The following NOS1AP variants were observed in gnomAD, a reference collection of about 807,000 sequenced individuals.
The protein encoded by NOS1AP is carboxyl-terminal PDZ ligand of neuronal nitric oxide synthase protein.
In NOS1AP, 21 loss-of-function variants were observed where a neutral mutation model predicts 56.2. The observed-to-expected ratio is 0.37, with a 90% CI of 0.26 to 0.54. The LOEUF is 0.54. NOS1AP is among the 20% of genes least tolerant of loss of function. The pLI, the probability that NOS1AP is intolerant of heterozygous loss-of-function variation, is 0.84. For synonymous variants in NOS1AP, 270 were observed against 274.6 expected, an observed-to-expected ratio of 0.98 and a Z score of 0.17; for missense variants, 522 against 657.8, an observed-to-expected ratio of 0.79 and a Z score of 2.26.
Position 162,076,265 on chromosome 1 carries a change from G to A in NOS1AP, c.105+5983G>A, listed in dbSNP as rs1014376933. 3.7e-4 allele frequency among the ~76,000 whole-genome samples: 57 copies of A among 152,084 alleles called. 1 individual carries two copies. The highest frequency in any genetic ancestry group is 3.3e-4 in the Admixed American group (5 of 15,268). On this transcript the variant is annotated intron_variant, in intron 1 of 9. Coordinates refer to ENST00000361897, the MANE Select transcript of NOS1AP (RefSeq NM_014697.3). ...GCAGCCTGGGACCATGCCCATGGCC[G>A]TTCCTTCCTGCCTTTTTGCCCTACC...
Position 162,365,081 on chromosome 1 carries a change from CGTGT to C in NOS1AP, c.940-316_940-313del, listed in dbSNP as rs112157315. On this transcript the variant is annotated intron_variant, in intron 8 of 9. Transcript: ENST00000361897. ...GTGCGTGTGTGTGTGTATATGTGCA[CGTGT>C]GTGTGTACGTGTGTGTGTGTGGCAG... 28 of 1,317,498 alleles carry C rather than the reference CGTGT, an allele frequency of 2.1e-5. 1 individual carries two copies. Among genetic ancestry groups the C allele is most frequent in the South Asian group, 1.9e-4 (12 of 61,824 alleles). 81.6% of individuals were successfully genotyped at this position (1,317,498 alleles called of 1,614,324 possible). A position where few individuals can be genotyped will look rare whatever the true frequency, so the allele number is the denominator to read the frequency against.
chr1:162,241,909 C>T (rs550626354), intron 2 of NOS1AP, among the ~76,000 whole-genome samples: 2 of 152,272 alleles, frequency 1.3e-5, no homozygotes, highest in African/African-American at 4.8e-5. Flanking sequence ...AAAATCCTTC[C>T]TCCTAAATCA....
rs1657730231 is a variant in NOS1AP at position 162,357,063 on chromosome 1, C to G, written c.866C>G (p.Thr289Ser). 6.2e-7 allele frequency: 1 copy of G among 1,613,306 alleles called. No homozygotes were observed. The highest frequency in any genetic ancestry group is 1.3e-5 in the African/African-American group (1 of 75,044). The change falls in exon 8 of 10, where the codon ACT (threonine) becomes AGT (serine). Residue 289 changes from threonine (T) to serine (S), a missense_variant. Physicochemically the swap from Thr to Ser is moderately conservative, Grantham distance 58. Coordinates refer to ENST00000361897, the MANE Select transcript of NOS1AP (RefSeq NM_014697.3). Reference protein sequence around the residue: ...PGLGTETPLSTHHQMQLLQQL... With the variant: ...PGLGTETPLSSHHQMQLLQQL... ...CTGGGCACAGAGACACCGCTGTCCA[C>G]TCACCACCAGATGCAGCTCCTCCAG...
At chr1:162,192,020 C>T (rs2102156409) in intron 2 of NOS1AP, among the ~76,000 whole-genome samples, 1 of 152,208 alleles carries the variant, frequency 6.6e-6, no homozygotes, top group Non-Finnish European at 1.5e-5. Context: ...TTTGGGCTCC[C>T]ACCTCTGTGT....
At chr1:162,175,166 G>A (rs1428367555) in intron 2 of NOS1AP, among the ~76,000 whole-genome samples, 1 of 148,446 alleles carries the variant, frequency 6.7e-6, no homozygotes, top group African/African-American at 2.5e-5. Flanking sequence ...AAAAAAAAAA[G>A]TCGTTATGCA....
intron 8 of NOS1AP, among the ~76,000 whole-genome samples, chr1:162,361,378 C>T (rs1657900016): frequency 6.6e-6 from 1 of 152,172 alleles, no homozygotes; most frequent in East Asian, 1.9e-4. Flanking sequence ...CTGCCCAAAC[C>T]AAGGTTTCAC....
In NOS1AP at chr1:162,213,787, G is replaced by A. The variant is rs535460818; in HGVS notation, c.177+59311G>A. ...CCAAGCCTGGAACTCTGGAGAAGGC[G>A]CCGCCGCTCGTGTAGTTCTGAAAGG... On this transcript the variant is annotated intron_variant, in intron 2 of 9. Transcript: ENST00000361897. Among the ~76,000 whole-genome samples the A allele has an allele frequency of 3.3e-5, 5 of 152,300 alleles. No homozygotes were observed. The East Asian group carries it at 7.7e-4, about 23-fold the overall frequency.
chr1:162,267,618 T>C (rs1654465402), intron 2 of NOS1AP, among the ~76,000 whole-genome samples: 1 of 148,502 alleles, frequency 6.7e-6, no homozygotes, highest in Non-Finnish European at 1.5e-5. Flanking sequence ...AAAAAAAAAT[T>C]ATTTTAAATT....
chr1:162,243,965 A>G (rs2101684221), intron 2 of NOS1AP, among the ~76,000 whole-genome samples: 1 of 152,324 alleles, frequency 6.6e-6, no homozygotes, highest in South Asian at 2.1e-4. Context: ...GGTTCCCACT[A>G]CAAGGTGACT....
At chr1:162,266,157 G>T (rs1229628980) in intron 2 of NOS1AP, among the ~76,000 whole-genome samples, 1 of 152,160 alleles carries the variant, frequency 6.6e-6, no homozygotes, top group East Asian at 1.9e-4. Flanking sequence ...AGTTATTCTG[G>T]GTGGTTATGT....
At chr1:162,200,975 G>C (rs994806208) in intron 2 of NOS1AP, among the ~76,000 whole-genome samples, 4 of 152,112 alleles carry the variant, frequency 2.6e-5, no homozygotes, top group Non-Finnish European at 5.9e-5. Context: ...TGTGTCATAG[G>C]GGTTTGTTGT....
At chr1:162,149,427 G>A (rs1649615947) in intron 1 of NOS1AP, among the ~76,000 whole-genome samples, 1 of 152,220 alleles carries the variant, frequency 6.6e-6, no homozygotes, top group African/African-American at 2.4e-5. Context: ...AAGTATGTCT[G>A]GTCTTAGATG....
intron 4 of NOS1AP, among the ~76,000 whole-genome samples, chr1:162,324,304 A>G (rs12048222): frequency 0.28 from 43,265 of 151,874 alleles, 6,648 homozygotes; most frequent in East Asian, 0.54. Flanking sequence ...GGTTTTTGAC[A>G]GCCAATAGCA....
At chr1:162,192,729 C>T (rs1651683834) in intron 2 of NOS1AP, among the ~76,000 whole-genome samples, 1 of 152,164 alleles carries the variant, frequency 6.6e-6, no homozygotes, top group Non-Finnish European at 1.5e-5. Context: ...ATAATTTAAT[C>T]TACCTGTAGT....
At chr1:162,248,923 C>A (rs990848337) in intron 2 of NOS1AP, among the ~76,000 whole-genome samples, 3 of 152,148 alleles carry the variant, frequency 2.0e-5, no homozygotes, top group Non-Finnish European at 4.4e-5. Context: ...ACAGCACCCC[C>A]CCCTTTCCTT....
chr1:162,272,454 A>G lies in NOS1AP; in HGVS notation c.178-14890A>G, dbSNP rs1654609214. On this transcript the variant is annotated intron_variant, in intron 2 of 9. Transcript: ENST00000361897. ...GGAGGTGCTGGGCTGAAGCACAGAC[A>G]TCTGAGGCTCCAAGGAGGAGAAACT... 2.0e-5 allele frequency among the ~76,000 whole-genome samples: 3 copies of G among 152,158 alleles called. No homozygotes were observed. In the South Asian group the frequency reaches 6.2e-4, roughly 32 times the overall value.
At chr1:162,118,432 A>G (rs1648062375) in intron 1 of NOS1AP, among the ~76,000 whole-genome samples, 1 of 151,992 alleles carries the variant, frequency 6.6e-6, no homozygotes, top group South Asian at 2.1e-4. Flanking sequence ...AAACGACATG[A>G]TTTCATTCTT....
intron 2 of NOS1AP, among the ~76,000 whole-genome samples, chr1:162,217,227 A>C (rs1352464548): frequency 7.6e-6 from 1 of 132,294 alleles, no homozygotes; most frequent in Non-Finnish European, 1.6e-5. Flanking sequence ...TCACTACACC[A>C]TACCTCTTTC....
At chr1:162,317,149 A>G (rs1212629576) in intron 4 of NOS1AP, 1 of 82,704 alleles carries the variant, frequency 1.2e-5, no homozygotes, top group Non-Finnish European at 2.7e-5. Flanking sequence ...CCCCTGACAG[A>G]TGAGATCTAC....
Sources: gnomAD v4.1 joint callset for allele counts (sites outside exome capture counted in the v4.1 genomes callset) on GRCh38, gnomAD v4.1.1 for gene constraint, MANE v1.5 for transcripts, NCBI Gene and HGNC (gene_info 2026-07-23, HGNC 2026-07-21) for gene names.